SBK1: variants seen among roughly 807,000 people sequenced by gnomAD.
SBK1 encodes the protein SH3 domain binding kinase 1, also known as serine/threonine-protein kinase SBK1.
SBK1 carries 11 observed loss-of-function variants against 24.4 expected under a neutral mutation model. The observed-to-expected ratio is 0.45, with a 90% confidence interval of 0.28 to 0.75. The LOEUF is 0.75. Ranked by LOEUF, SBK1 falls within the 30% of genes least tolerant of loss-of-function variation. The pLI is 0.12. For synonymous variants in SBK1, 308 were observed against 284.4 expected (o/e 1.08, Z -0.83); for missense variants, 467 against 620.5 (o/e 0.75, Z 2.63).
intron 1 of SBK1, among the ~76,000 whole-genome samples, chr16:28,298,540 G>A (rs532695460): frequency 5.9e-5 from 9 of 152,308 alleles, no homozygotes; most frequent in South Asian, 4.1e-4. Flanking sequence ...TTCCTCTGAC[G>A]TAGAATGGAG....
chr16:28,295,172 G>A (rs578207355), intron 1 of SBK1, among the ~76,000 whole-genome samples: 10 of 152,260 alleles, frequency 6.6e-5, no homozygotes, highest in African/African-American at 1.7e-4. Context: ...AAACTGTGAG[G>A]AGGCCAGAGG....
rs1447034938 is a variant in SBK1, at chr16:28,276,944, G to A, written c.257+17442G>A. Among the ~76,000 whole-genome samples, 8 of 152,238 alleles carry A rather than the reference G, an allele frequency of 5.3e-5. No individual in the cohort carries two copies. In the South Asian group the frequency reaches 1.0e-3, roughly 20 times the overall value. Reference sequence around the variant, plus strand: ...CTCCCAAAGTGCTGGGATTACAGGCGTGAGCCACAGCTCCCGGGCGGTGGA... The same window carrying A: ...CTCCCAAAGTGCTGGGATTACAGGCATGAGCCACAGCTCCCGGGCGGTGGA... On this transcript the variant is annotated intron_variant, in intron 1 of 3. Transcript: ENST00000671413.
intron 1 of SBK1, among the ~76,000 whole-genome samples, chr16:28,274,081 A>G (rs2044482766): frequency 6.6e-6 from 1 of 152,240 alleles, no homozygotes; most frequent in Non-Finnish European, 1.5e-5. Flanking sequence ...GAAGAGGTAC[A>G]GCATGGTGGA....
chr16:28,272,149 A>G (rs972303346), intron 1 of SBK1, among the ~76,000 whole-genome samples: 24 of 152,192 alleles, frequency 1.6e-4, no homozygotes, highest in Non-Finnish European at 2.9e-5. Context: ...AGCTCACTGC[A>G]GCCTCCATCT....
chr16:28,262,618 T>G (rs2141556646), intron 1 of SBK1, among the ~76,000 whole-genome samples: 1 of 152,302 alleles, frequency 6.6e-6, no homozygotes, highest in Admixed American at 6.5e-5. Context: ...GACAGCACAA[T>G]GTGCTATAAT....
intron 1 of SBK1, among the ~76,000 whole-genome samples, chr16:28,309,654 C>T (rs1469744933): frequency 6.6e-6 from 1 of 152,068 alleles, no homozygotes; most frequent in Admixed American, 6.6e-5. Flanking sequence ...CCTAGCTACT[C>T]GGGAGGCTGA....
chr16:28,311,628 C>T (rs1245293856), intron 1 of SBK1, among the ~76,000 whole-genome samples: 1 of 151,724 alleles, frequency 6.6e-6, no homozygotes, highest in Non-Finnish European at 1.5e-5. Flanking sequence ...TGCTTGAGCC[C>T]AGGAGTTCAA....
intron 1 of SBK1, among the ~76,000 whole-genome samples, chr16:28,273,336 C>T (rs1214698476): frequency 6.6e-6 from 1 of 151,718 alleles, no homozygotes; most frequent in Non-Finnish European, 1.5e-5. Flanking sequence ...TTCTCCTGCC[C>T]CAGGCTCCCA....
Position 28,320,096 on chromosome 16 carries a change from G to A in SBK1, c.450G>A (p.Thr150=), listed in dbSNP as rs933990892. The change falls in exon 4 of 4, where the codon ACG becomes ACA. Residue 150 remains threonine, a synonymous_variant. Transcript: ENST00000341901. The surrounding 1 kb of genome is among the most constrained non-coding windows in gnomAD (Gnocchi z 8.5). ...IPPQVGLPED[T]VKRCVQQLGL... ...CGCAGGTGGGGCTCCCTGAGGACAC[G>A]GTGAAGCGCTGTGTGCAGCAGCTGG... 2.0e-6 allele frequency: 3 copies of A among 1,528,912 alleles called. No homozygotes were observed. Among genetic ancestry groups the A allele is most frequent in the South Asian group, 1.2e-5 (1 of 81,820 alleles). The allele number at this position is 1,528,912 out of a possible 1,614,324, so 94.7% of individuals were successfully genotyped here.
chr16:28,293,148 CT>C lies in SBK1; in HGVS notation c.-159del, dbSNP rs1274028852. ...GCAAGAAGCCTCGGGGATCCCCCCC[CT>C]AAAGCTCCAGGACTTGGGCGACTGA... On this transcript the variant is annotated 5_prime_UTR_variant, in exon 1 of 4. Transcript: ENST00000341901. The C allele has an allele frequency of 2.0e-5, 20 of 985,742 alleles. No individual in the cohort carries two copies. The Admixed American group carries it at 8.6e-4, about 42-fold the overall frequency. The allele number at this position is 985,742 out of a possible 1,614,324, so 61.1% of individuals were successfully genotyped here. A position where few individuals can be genotyped will look rare whatever the true frequency, so the allele number is the denominator to read the frequency against.
intron 1 of SBK1, among the ~76,000 whole-genome samples, chr16:28,315,013 G>C (rs571127209): frequency 3.9e-5 from 6 of 152,284 alleles, no homozygotes; most frequent in African/African-American, 9.6e-5. Context: ...AGGGAGTGCA[G>C]GGAGGGTAGA....
chr16:28,297,963 C>A (rs920515381), intron 1 of SBK1, among the ~76,000 whole-genome samples: 13 of 152,286 alleles, frequency 8.5e-5, no homozygotes, highest in Non-Finnish European at 1.5e-5. Flanking sequence ...GGGCTGGGAC[C>A]GTGGTTTTGT....
chr16:28,260,960 G>A (rs1029562723), intron 1 of SBK1, among the ~76,000 whole-genome samples: 7 of 152,232 alleles, frequency 4.6e-5, no homozygotes, highest in South Asian at 2.1e-4. Flanking sequence ...AAAGGGCATC[G>A]CAGGCAGTGG....
At position 28,280,311 on chromosome 16, in the gene SBK1, AT is replaced by A. The variant is rs530695273; in HGVS notation, c.257+20810del. Among the ~76,000 whole-genome samples the A allele has an allele frequency of 5.8e-3, 817 of 140,340 alleles. 4 individuals carry two copies. Among genetic ancestry groups the A allele is most frequent in the Admixed American group, 0.017 (223 of 13,146 alleles). The allele number at this position is 140,340 out of a possible 152,430, so 92.1% of individuals were successfully genotyped here. A position where few individuals can be genotyped will look rare whatever the true frequency, so the allele number is the denominator to read the frequency against. ...TACATATATATGCACATATATGTAT[AT>A]AATATATATATACGTACATATGTAT... On this transcript the variant is annotated intron_variant, in intron 1 of 3. Transcript: ENST00000671413.
intron 1 of SBK1, among the ~76,000 whole-genome samples, chr16:28,270,036 C>T (rs1425237188): frequency 6.6e-6 from 1 of 152,022 alleles, no homozygotes. Context: ...ATCCTGGAAA[C>T]GAGAAGACAA....
intron 1 of SBK1, 53 bp downstream of exon 1, chr16:28,293,353 T>G: frequency 3.5e-6 from 3 of 867,144 alleles, no homozygotes; most frequent in Non-Finnish European, 2.8e-6. Context: ...GAGGTCCCCA[T>G]AGCCCTGCAG....
chr16:28,303,336 G>C (rs2044692372), intron 1 of SBK1, among the ~76,000 whole-genome samples: 2 of 152,210 alleles, frequency 1.3e-5, no homozygotes, highest in Non-Finnish European at 1.5e-5. Context: ...GGTGACTGAT[G>C]ATGGCTCAGA....
At chr16:28,296,402 T>C (rs1171804791) in intron 1 of SBK1, among the ~76,000 whole-genome samples, 1 of 151,982 alleles carries the variant, frequency 6.6e-6, no homozygotes, top group Non-Finnish European at 1.5e-5. Context: ...CACACCCAAC[T>C]AATTTTTGTA....
In SBK1 at chr16:28,321,758, C is replaced by T. The variant is rs2044850783; in HGVS notation, c.*837C>T. 6.6e-6 allele frequency: 1 copy of T among 152,508 alleles called. No homozygotes were observed. The allele number at this position is 152,508 out of a possible 1,614,324, so 9.4% of individuals were successfully genotyped here. A position where few individuals can be genotyped will look rare whatever the true frequency, so the allele number is the denominator to read the frequency against. ...CAACTTGTGGGGATAGAAGGGCTCA[C>T]AGGGCAGGGGTCTCAGCTGCCCCCA... On this transcript the variant is annotated 3_prime_UTR_variant, in exon 4 of 4. Transcript: ENST00000341901.
Sources: allele counts gnomAD v4.1 joint callset (sites outside exome capture counted in the v4.1 genomes callset), GRCh38; gene constraint gnomAD v4.1.1; non-coding constraint Gnocchi (gnomAD v3.1); transcripts MANE v1.5; gene names NCBI Gene and HGNC (gene_info 2026-07-23, HGNC 2026-07-21).